The following BCAS1 variants were observed in gnomAD, a reference collection of about 807,000 sequenced individuals.
BCAS1 encodes the protein breast carcinoma-amplified sequence 1.
In BCAS1, 46 loss-of-function variants were observed where a neutral mutation model predicts 65.4. That is an observed-to-expected ratio of 0.70 (90% confidence interval 0.55 to 0.90). BCAS1 has a LOEUF of 0.90. Ranked by LOEUF, BCAS1 falls within the 40% of genes least tolerant of loss-of-function variation. The pLI is 0.00. For missense variants in BCAS1, 793 were observed against 771.2 expected (o/e 1.03, Z -0.33); for synonymous variants, 298 against 293.5 (o/e 1.02, Z -0.16).
At chr20:54,021,882 C>T (rs1468389000) in intron 4 of BCAS1, among the ~76,000 whole-genome samples, 1 of 151,962 alleles carries the variant, frequency 6.6e-6, no homozygotes, top group Non-Finnish European at 1.5e-5. Flanking sequence ...TCCTGCACAT[C>T]CTGCATTTGT....
chr20:54,035,400 C>CAAAAAAAAAA (rs1288429763), intron 3 of BCAS1, among the ~76,000 whole-genome samples: 1 of 62,066 alleles, frequency 1.6e-5, no homozygotes, highest in Non-Finnish European at 3.2e-5. Flanking sequence ...GACTCCGTCT[C>CAAAAAAAAAA]AAAAAAAAAA....
chr20:53,997,876 C>T (rs55776232), intron 4 of BCAS1, among the ~76,000 whole-genome samples: 25,696 of 151,996 alleles, frequency 0.17, 2,190 homozygotes, highest in Middle Eastern at 0.21. Context: ...GCTGGTTGAG[C>T]ATCGTCTTCA....
chr20:54,052,577 G>T (rs994626122), intron 3 of BCAS1, among the ~76,000 whole-genome samples: 8 of 152,172 alleles, frequency 5.3e-5, no homozygotes, highest in African/African-American at 1.9e-4. Flanking sequence ...AGAGGGCAAA[G>T]ACCACATAAA....
At position 54,006,653 on chromosome 20, in the gene BCAS1, T is replaced by G. The variant is rs1021830091; in HGVS notation, c.724-10603A>C. Among the ~76,000 whole-genome samples, 11 of 149,568 alleles carry G rather than the reference T, an allele frequency of 7.4e-5. No homozygotes were observed. The Admixed American group carries it at 7.4e-4, about 10-fold the overall frequency. On this transcript the variant is annotated intron_variant, in intron 4 of 12. Coordinates refer to ENST00000688948, the MANE Select transcript of BCAS1 (RefSeq NM_001366298.2). ...TGAACCCAGGAGGTGGAGGTTGCAG[T>G]GAGCCAAGATCGCACCACTGCACTC...
intron 3 of BCAS1, among the ~76,000 whole-genome samples, chr20:54,037,085 C>A (rs2091912157): frequency 6.6e-6 from 1 of 150,788 alleles, no homozygotes; most frequent in Non-Finnish European, 1.5e-5. Flanking sequence ...CTAAAACTTT[C>A]ACTTGCTACA....
At chr20:54,012,681 A>G (rs2091348086) in intron 4 of BCAS1, among the ~76,000 whole-genome samples, 1 of 152,218 alleles carries the variant, frequency 6.6e-6, no homozygotes. Flanking sequence ...TGATAACCGT[A>G]AAAATGATCA....
chr20:54,047,142 C>G (rs955417644), intron 3 of BCAS1, among the ~76,000 whole-genome samples: 3 of 152,144 alleles, frequency 2.0e-5, no homozygotes, highest in African/African-American at 7.2e-5. Context: ...TGCCTCATGG[C>G]TTCTTCATGT....
chr20:54,056,772 C>G (rs2092302818), intron 3 of BCAS1, among the ~76,000 whole-genome samples: 2 of 152,164 alleles, frequency 1.3e-5, no homozygotes, highest in South Asian at 4.1e-4. Context: ...ATACCTCCTT[C>G]ATTACTCAGG....
intron 9 of BCAS1, among the ~76,000 whole-genome samples, chr20:53,972,957 G>T (rs569396004): frequency 6.6e-6 from 1 of 152,350 alleles, no homozygotes; most frequent in South Asian, 2.1e-4. Context: ...GCTGGGAGTG[G>T]TGGCTCACGC....
intron 11 of BCAS1, among the ~76,000 whole-genome samples, chr20:53,955,974 A>G (rs2089685667): frequency 6.6e-6 from 1 of 152,268 alleles, no homozygotes; most frequent in South Asian, 2.1e-4. Flanking sequence ...AAAATGTAGG[A>G]TAAACCAATT....
intron 4 of BCAS1, among the ~76,000 whole-genome samples, chr20:54,024,682 T>C (rs1203431762): frequency 9.6e-6 from 1 of 104,542 alleles, no homozygotes; most frequent in African/African-American, 3.6e-5. Flanking sequence ...AAGGAGATGA[T>C]GGAAGAGTAC....
intron 7 of BCAS1, among the ~76,000 whole-genome samples, chr20:53,991,772 A>G (rs775986899): frequency 6.6e-6 from 1 of 152,234 alleles, no homozygotes; most frequent in East Asian, 1.9e-4. Flanking sequence ...GAAAGATAAC[A>G]TTATTACTTG....
chr20:53,961,027 C>T (rs1680781184), intron 10 of BCAS1, among the ~76,000 whole-genome samples: 1 of 152,216 alleles, frequency 6.6e-6, no homozygotes, highest in Non-Finnish European at 1.5e-5. Context: ...TATCTCAGGG[C>T]ATTCAGCCTG....
At chr20:53,953,762 AAT>A (rs561019861) in intron 11 of BCAS1, 67 bp from the exon 12 acceptor site, 1 of 1,516,432 alleles carries the variant, frequency 6.6e-7, no homozygotes, top group South Asian at 1.3e-5. Flanking sequence ...CAAGGGAATA[AAT>A]ATGTTAAAAC....
chr20:54,052,501 T>C (rs1306388822), intron 3 of BCAS1, among the ~76,000 whole-genome samples: 1 of 152,208 alleles, frequency 6.6e-6, no homozygotes, highest in African/African-American at 2.4e-5. Context: ...CCAAAATTCA[T>C]ATGTTGAAAC....
chr20:54,023,131 C>G (rs158543), intron 4 of BCAS1, among the ~76,000 whole-genome samples: 90,110 of 152,164 alleles, frequency 0.59, 26,838 homozygotes, highest in South Asian at 0.62. Context: ...TGTTGAAATT[C>G]GGTAATTCTT....
At position 53,992,610 on chromosome 20, in the gene BCAS1, C is replaced by G. The variant is rs372589603; in HGVS notation, c.964G>C (p.Gly322Arg). The G allele has an allele frequency of 1.4e-4, 186 of 1,365,738 alleles. No individual in the cohort carries two copies. The highest frequency in any genetic ancestry group is 1.8e-4 in the Non-Finnish European group (185 of 1,021,746). The allele number at this position is 1,365,738 out of a possible 1,614,324, so 84.6% of individuals were successfully genotyped here. A position where few individuals can be genotyped will look rare whatever the true frequency, so the allele number is the denominator to read the frequency against. Reference protein sequence around the residue: ...KAESVCDGQAGQKTSEIQARG... With the variant: ...KAESVCDGQARQKTSEIQARG... ...GCCTGGATCTCGGATGTCTTCTGAC[C>G]AGCTTGTCCATCACAGACACTTTCT... Residue 322 changes from glycine (G) to arginine (R), a missense_variant, in exon 7 of 13, where the codon GGT (glycine) becomes CGT (arginine). Gly to Arg is a moderately radical substitution (Grantham distance 125, BLOSUM62 -2). Coordinates refer to ENST00000688948, the MANE Select transcript of BCAS1 (RefSeq NM_001366298.2).
chr20:54,028,959 T>C lies in BCAS1; in HGVS notation c.156A>G (p.Ile52Met). ...TGGCCACATTATCCGTCTTGACACT[T>C]ATTCCCAAGTCGACTGTAAACACAA... Reference protein sequence around the residue: ...VQHLEEVDLGISVKTDNVATS... With the variant: ...VQHLEEVDLGMSVKTDNVATS... Residue 52 changes from isoleucine (I) to methionine (M), a missense_variant, in exon 4 of 13, where the codon ATA (isoleucine) becomes ATG (methionine). Coordinates refer to ENST00000688948, the MANE Select transcript of BCAS1 (RefSeq NM_001366298.2). 2 of 1,607,986 alleles carry C rather than the reference T, an allele frequency of 1.2e-6. No homozygotes were observed. Among genetic ancestry groups the C allele is most frequent in the Non-Finnish European group, 1.7e-6 (2 of 1,177,310 alleles).
chr20:54,068,222 G>A (rs562339814), intron 1 of BCAS1, among the ~76,000 whole-genome samples: 2 of 152,338 alleles, frequency 1.3e-5, no homozygotes, highest in Non-Finnish European at 1.5e-5. Context: ...GGGCTGCTTG[G>A]TGATTGATGT....
Sources: allele counts gnomAD v4.1 joint callset (sites outside exome capture counted in the v4.1 genomes callset), GRCh38; gene constraint gnomAD v4.1.1; transcripts MANE v1.5; gene names NCBI Gene and HGNC (gene_info 2026-07-23, HGNC 2026-07-21).